Variants in CILK1 observed in about 807,000 individuals in gnomAD.
CILK1 encodes ciliogenesis associated kinase 1.
CILK1 carries 47 observed loss-of-function variants against 79.2 expected under a neutral mutation model. That is an observed-to-expected ratio of 0.59 (90% CI 0.47 to 0.76). The LOEUF is 0.76. Ranked by LOEUF, CILK1 falls within the 30% of genes least tolerant of loss-of-function variation. CILK1 has a pLI of 0.00. For synonymous variants in CILK1, 266 were observed against 275.9 expected (o/e 0.96, Z 0.36); for missense variants, 660 against 769.5 (o/e 0.86, Z 1.68).
chr6:53,020,580 T>A (rs558583292), intron 5 of CILK1, among the ~76,000 whole-genome samples: 57 of 152,294 alleles, frequency 3.7e-4, no homozygotes, highest in African/African-American at 1.3e-3. Flanking sequence ...GATTTTTGGG[T>A]TAGGGATGTT....
At position 53,013,727 on chromosome 6, in the gene CILK1, G is replaced by C. The variant is rs1239734273; in HGVS notation, c.1087C>G (p.His363Asp). The change falls in exon 9 of 14, where the codon CAT (histidine) becomes GAT (aspartate). Residue 363 changes from histidine (H) to aspartate (D), a missense_variant. Physicochemically the swap from His to Asp is moderately conservative, Grantham distance 81. Transcript: ENST00000676107. ...AEVSRTDHPS[H>D]LQEDKPSPLL... ...GGGCTTGGCTTGTCCTCCTGGAGAT[G>C]GCTTGGGTGATCTGTCCTGGAGACC... The C allele has an allele frequency of 6.2e-7, 1 of 1,614,204 alleles. No individual in the cohort carries two copies.
rs1174410953 is a variant in CILK1, at chr6:53,009,466, T to C, written c.1594A>G (p.Met532Val). ...SGLSGKSSGT[M>V]SVISKVNSVG... ...GAATTTACTTTGCTGATTACTGACA[T>C]TGTCCCTGAAGATTTTCCAGACAAG... Residue 532 changes from methionine to valine, a missense_variant, in exon 12 of 14, where the codon ATG becomes GTG. Coordinates refer to ENST00000676107, the MANE Select transcript of CILK1 (RefSeq NM_014920.5). The C allele has an allele frequency of 1.2e-6, 2 of 1,614,034 alleles. No homozygotes were observed. The highest frequency in any genetic ancestry group is 1.3e-5 in the African/African-American group (1 of 74,946).
At chr6:53,011,325 C>T (rs1183421244) in intron 11 of CILK1, among the ~76,000 whole-genome samples, 5 of 152,228 alleles carry the variant, frequency 3.3e-5, no homozygotes, top group East Asian at 3.9e-4. Context: ...GGCCCAGGCA[C>T]GGTGGCTCAT....
chr6:53,026,695 C>T (rs1410428466), intron 5 of CILK1, among the ~76,000 whole-genome samples: 3 of 152,144 alleles, frequency 2.0e-5, no homozygotes, highest in African/African-American at 7.2e-5. Flanking sequence ...TGACCTATAA[C>T]AATAAGCCTA....
intron 4 of CILK1, among the ~76,000 whole-genome samples, chr6:53,031,835 CTCT>C (rs1278454789): frequency 6.6e-6 from 1 of 152,054 alleles, no homozygotes; most frequent in Non-Finnish European, 1.5e-5. Context: ...GGATGAATAA[CTCT>C]TCTTTTTTTT....
At chr6:53,008,340 A>G (rs982825231) in intron 12 of CILK1, among the ~76,000 whole-genome samples, 5 of 152,104 alleles carry the variant, frequency 3.3e-5, no homozygotes, top group African/African-American at 1.2e-4. Flanking sequence ...TAAACACTCG[A>G]TCAGGCTGGC....
intron 1 of CILK1, among the ~76,000 whole-genome samples, chr6:53,044,888 C>T (rs1342627663): frequency 6.6e-6 from 1 of 152,184 alleles, no homozygotes; most frequent in Non-Finnish European, 1.5e-5. Flanking sequence ...ATCTTGGACT[C>T]TCCAGCCTCC....
At chr6:53,027,973 C>T (rs1003506853) in intron 5 of CILK1, among the ~76,000 whole-genome samples, 62 of 152,068 alleles carry the variant, frequency 4.1e-4, no homozygotes, top group Admixed American at 3.9e-3. Flanking sequence ...TGGTGAAACC[C>T]GTCTCTACTA....
intron 5 of CILK1, among the ~76,000 whole-genome samples, chr6:53,026,163 TTTTTG>T (rs1366458579): frequency 4.6e-5 from 7 of 152,094 alleles, no homozygotes; most frequent in Non-Finnish European, 7.4e-5. Context: ...GTTTGTTTGT[TTTTTG>T]TTTTGTTTTG....
intron 11 of CILK1, 122 bp from the exon 12 acceptor site, chr6:53,009,689 C>T (rs899582852): frequency 5.5e-5 from 45 of 812,726 alleles, no homozygotes; most frequent in Middle Eastern, 2.7e-4. Context: ...ATAATCAAAG[C>T]AAAAACTGAC....
intron 5 of CILK1, 95 bp downstream of exon 5, chr6:53,030,970 G>A: frequency 1.2e-6 from 1 of 834,674 alleles, no homozygotes; most frequent in Non-Finnish European, 2.1e-6. Context: ...CCTTTTCTGG[G>A]AGTCAGCTAC....
At chr6:53,051,591 G>T (rs1373776072) in intron 1 of CILK1, among the ~76,000 whole-genome samples, 1 of 152,094 alleles carries the variant, frequency 6.6e-6, no homozygotes, top group Non-Finnish European at 1.5e-5. Flanking sequence ...TCTGTCTCTA[G>T]CTTATAAGGA....
rs778734965 is a variant in CILK1 at position 53,013,677 on chromosome 6, G to A, written c.1137C>T (p.Asn379=). The change falls in exon 9 of 14, where the codon AAC becomes AAT. Residue 379 remains asparagine, a synonymous_variant. Coordinates refer to ENST00000676107, the MANE Select transcript of CILK1 (RefSeq NM_014920.5). ...PSPLLFPSLH[N]KHPQSKITAG... Reference sequence around the variant, plus strand: ...GGCTGCTCACCGACTGTGGATGCTTGTTGTGGAGGGATGGGAAAAGCAACG... The same window carrying A: ...GGCTGCTCACCGACTGTGGATGCTTATTGTGGAGGGATGGGAAAAGCAACG... The A allele has an allele frequency of 6.2e-7, 1 of 1,614,130 alleles. No homozygotes were observed. The highest frequency in any genetic ancestry group is 8.5e-7 in the Non-Finnish European group (1 of 1,179,974).
chr6:53,006,055 A>G (rs1485377575), intron 13 of CILK1, among the ~76,000 whole-genome samples: 1 of 152,066 alleles, frequency 6.6e-6, no homozygotes, highest in African/African-American at 2.4e-5. Context: ...TAGCTACTCT[A>G]TCTAAAATTG....
intron 2 of CILK1, among the ~76,000 whole-genome samples, chr6:53,040,588 T>C (rs903144940): frequency 7.2e-5 from 11 of 152,216 alleles, no homozygotes; most frequent in Admixed American, 2.6e-4. Flanking sequence ...TCATGAGAGA[T>C]ACTGAGGCAA....
chr6:53,021,127 G>A (rs188497203), intron 5 of CILK1, among the ~76,000 whole-genome samples: 15 of 152,300 alleles, frequency 9.8e-5, no homozygotes, highest in African/African-American at 3.6e-4. Flanking sequence ...TTCGAGACCA[G>A]CCTGGCCAAT....
intron 2 of CILK1, 36 bp downstream of exon 2, chr6:53,041,100 G>C: frequency 7.2e-7 from 1 of 1,388,674 alleles, no homozygotes. Context: ...TGAGGGTAGA[G>C]TTAAAATTAT....
At chr6:53,038,536 G>T (rs1487767528) in intron 2 of CILK1, among the ~76,000 whole-genome samples, 1 of 152,188 alleles carries the variant, frequency 6.6e-6, no homozygotes, top group Non-Finnish European at 1.5e-5. Flanking sequence ...TATGACCCAT[G>T]GGCCAAAACC....
intron 9 of CILK1, among the ~76,000 whole-genome samples, chr6:53,013,410 T>C (rs1764693915): frequency 1.3e-5 from 2 of 152,216 alleles, no homozygotes; most frequent in Non-Finnish European, 2.9e-5. Context: ...GCAGTCTGGC[T>C]GCAGAGGCCA....
Sources: gnomAD v4.1 joint callset for allele counts (sites outside exome capture counted in the v4.1 genomes callset) on GRCh38, gnomAD v4.1.1 for gene constraint, MANE v1.5 for transcripts, NCBI Gene and HGNC (gene_info 2026-07-23, HGNC 2026-07-21) for gene names.